The following TRAPPC8 variants were observed in gnomAD, a reference collection of about 807,000 sequenced individuals.
The protein encoded by TRAPPC8 is trafficking protein particle complex subunit 8.
Under a neutral mutation model 174.3 loss-of-function variants are expected in TRAPPC8, and 54 were observed. That is an observed-to-expected ratio of 0.31 (90% CI 0.25 to 0.39). TRAPPC8 has a LOEUF of 0.39. Ranked by LOEUF, TRAPPC8 falls within the 10% of genes least tolerant of loss-of-function variation. The pLI, the probability that TRAPPC8 is intolerant of heterozygous loss-of-function variation, is 1.00. For missense variants in TRAPPC8, 1,531 were observed against 1,699.1 expected (o/e 0.90, Z 1.74); for synonymous variants, 630 against 579.9 (o/e 1.09, Z -1.24).
rs556925155 is a variant in TRAPPC8 at position 31,936,129 on chromosome 18, C to G, written c.158-4606G>C. 1.1e-4 allele frequency among the ~76,000 whole-genome samples: 16 copies of G among 151,774 alleles called. No homozygotes were observed. The South Asian group carries it at 2.9e-3, about 28-fold the overall frequency. ...ACTCAGGAGGCTAAGGTAGGAGGAT[C>G]TTGTATACTTTATACATATAAAACT... On this transcript the variant is annotated intron_variant, in intron 1 of 28. Coordinates refer to ENST00000283351, the MANE Select transcript of TRAPPC8 (RefSeq NM_014939.5).
chr18:31,928,730 T>A (rs2037730133), intron 2 of TRAPPC8, among the ~76,000 whole-genome samples: 1 of 152,194 alleles, frequency 6.6e-6, no homozygotes, highest in Non-Finnish European at 1.5e-5. Flanking sequence ...TTTGTCTCCC[T>A]ACCAGATTAT....
intron 2 of TRAPPC8, among the ~76,000 whole-genome samples, chr18:31,919,948 G>A (rs967438624): frequency 1.3e-5 from 2 of 152,028 alleles, no homozygotes; most frequent in Non-Finnish European, 2.9e-5. Context: ...GCAAAAATTG[G>A]AGAATAAATG....
chr18:31,903,753 C>G (rs2145447788), intron 9 of TRAPPC8, among the ~76,000 whole-genome samples: 1 of 152,134 alleles, frequency 6.6e-6, no homozygotes, highest in African/African-American at 2.4e-5. Flanking sequence ...TGGATGGGCA[C>G]AGTGGCTCAC....
rs116099577 is a variant in TRAPPC8 at position 31,881,001 on chromosome 18, A to G, written c.1729-6297T>C. On this transcript the variant is annotated intron_variant, in intron 12 of 28. Coordinates refer to ENST00000283351, the MANE Select transcript of TRAPPC8 (RefSeq NM_014939.5). ...GATAAAAGAAAGTACAGACACAAAC[A>G]AAAGAACAAAAAAAACCCACGCTCA... 7.3e-3 allele frequency among the ~76,000 whole-genome samples: 1,118 copies of G among 152,202 alleles called. 18 individuals carry two copies. The highest frequency in any genetic ancestry group is 0.025 in the African/African-American group (1,047 of 41,538).
intron 13 of TRAPPC8, 159 bp from the exon 14 acceptor site, chr18:31,873,697 T>C: frequency 1.9e-6 from 1 of 539,696 alleles, no homozygotes. Flanking sequence ...CATAAAATTT[T>C]ACAACTCAGA....
intron 9 of TRAPPC8, among the ~76,000 whole-genome samples, chr18:31,906,814 A>G (rs973274372): frequency 6.6e-6 from 1 of 152,214 alleles, no homozygotes; most frequent in Admixed American, 6.5e-5. Flanking sequence ...CATGCTTTAT[A>G]CTTTATCTGA....
At chr18:31,840,966 A>C (rs529777748) in intron 26 of TRAPPC8, among the ~76,000 whole-genome samples, 1 of 152,168 alleles carries the variant, frequency 6.6e-6, no homozygotes, top group African/African-American at 2.4e-5. Flanking sequence ...ATTATAGCCT[A>C]ATCAGTGGTA....
In TRAPPC8 at chr18:31,857,966, A is replaced by C; in HGVS notation, c.2762T>G (p.Phe921Cys). The part of the protein sequence containing the change: ...MPLLEVFFIH[F>C]PTGLLCGEIR... ...TTCTCCACAGAGAAGCCCTGTAGGA[A>C]AATGTATAAAGAACACCTGCATTGG... The change falls in exon 20 of 29, where the codon TTT becomes TGT. Residue 921 changes from phenylalanine (F) to cysteine (C), a missense_variant. Physicochemically the swap from Phe to Cys is radical, Grantham distance 205. Transcript: ENST00000283351. The C allele has an allele frequency of 6.2e-7, 1 of 1,609,412 alleles. No homozygotes were observed. Among genetic ancestry groups the C allele is most frequent in the Non-Finnish European group, 8.5e-7 (1 of 1,177,992 alleles).
intron 24 of TRAPPC8, among the ~76,000 whole-genome samples, chr18:31,852,007 G>A (rs1245641701): frequency 6.6e-6 from 1 of 152,082 alleles, no homozygotes; most frequent in Non-Finnish European, 1.5e-5. Context: ...AAGGCAGGTT[G>A]CAAAACTCAA....
At chr18:31,861,592 T>G (rs1249770020) in intron 19 of TRAPPC8, among the ~76,000 whole-genome samples, 2 of 152,174 alleles carry the variant, frequency 1.3e-5, no homozygotes, top group Non-Finnish European at 2.9e-5. Flanking sequence ...AAACCATCTG[T>G]ACATTTAACA....
At chr18:31,941,214 G>C (rs2038325312) in intron 1 of TRAPPC8, among the ~76,000 whole-genome samples, 2 of 152,164 alleles carry the variant, frequency 1.3e-5, no homozygotes, top group Admixed American at 6.5e-5. Flanking sequence ...AGGCCGAGGC[G>C]GGCAGATCAC....
At chr18:31,909,873 G>T in intron 5 of TRAPPC8, 113 bp from the exon 6 acceptor site, 1 of 623,220 alleles carries the variant, frequency 1.6e-6, no homozygotes, top group Non-Finnish European at 2.5e-6. Context: ...TCATTTATTT[G>T]CTACAGTGAG....
chr18:31,907,356 T>C (rs1419941120), intron 9 of TRAPPC8, 104 bp downstream of exon 9: 13 of 1,178,574 alleles, frequency 1.1e-5, no homozygotes, highest in Non-Finnish European at 1.5e-5. Context: ...TATATGCTCT[T>C]TGAGTACAAC....
intron 12 of TRAPPC8, 145 bp downstream of exon 12, chr18:31,890,590 T>C: frequency 2.6e-6 from 2 of 780,396 alleles, no homozygotes; most frequent in Non-Finnish European, 3.5e-6. Flanking sequence ...CAGATTTGTC[T>C]AAATCCAAAT....
At chr18:31,846,478 G>A (rs2033408977) in intron 26 of TRAPPC8, among the ~76,000 whole-genome samples, 1 of 152,108 alleles carries the variant, frequency 6.6e-6, no homozygotes, top group African/African-American at 2.4e-5. Context: ...AAGAGGCTGA[G>A]GCCAGAGGAT....
rs757076449 is a variant in TRAPPC8 at position 31,830,451 on chromosome 18, T to C, written c.*304A>G. 1.3e-4 allele frequency: 38 copies of C among 287,618 alleles called. No individual in the cohort carries two copies. Among genetic ancestry groups the C allele is most frequent in the Non-Finnish European group, 2.2e-4 (34 of 153,296 alleles). The allele number at this position is 287,618 out of a possible 1,614,324, so 17.8% of individuals were successfully genotyped here. On this transcript the variant is annotated 3_prime_UTR_variant, in exon 29 of 29. Coordinates refer to ENST00000283351, the MANE Select transcript of TRAPPC8 (RefSeq NM_014939.5). ...CTAATATTCGTATACCATTGACAAGTTGTAACAGCAGACTTAGACTTTGTG... is the reference window on the plus strand; with the variant it reads ...CTAATATTCGTATACCATTGACAAGCTGTAACAGCAGACTTAGACTTTGTG...
intron 22 of TRAPPC8, among the ~76,000 whole-genome samples, chr18:31,853,190 G>A (rs2033804465): frequency 6.6e-6 from 1 of 152,152 alleles, no homozygotes; most frequent in Non-Finnish European, 1.5e-5. Context: ...GCTATTCACA[G>A]ATAAACTCAC....
chr18:31,881,768 TCTAAAAGTAA>T (rs1335568956), intron 12 of TRAPPC8, among the ~76,000 whole-genome samples: 9 of 151,778 alleles, frequency 5.9e-5, no homozygotes, highest in Admixed American at 5.9e-4. Context: ...ATATCCAGAA[TCTAAAAGTAA>T]CTTAAATCAA....
intron 1 of TRAPPC8, among the ~76,000 whole-genome samples, chr18:31,934,936 A>G (rs2038014698): frequency 7.2e-6 from 1 of 139,476 alleles, no homozygotes; most frequent in African/African-American, 2.6e-5. Context: ...GGCAACAGAG[A>G]GAGGCTCCGT....
Sources: allele counts gnomAD v4.1 joint callset (sites outside exome capture counted in the v4.1 genomes callset), GRCh38; gene constraint gnomAD v4.1.1; transcripts MANE v1.5; gene names NCBI Gene and HGNC (gene_info 2026-07-23, HGNC 2026-07-21).